Variants in TMEM163 observed in about 807,000 individuals in gnomAD.
The protein encoded by TMEM163 is transmembrane protein 163.
A neutral mutation model predicts 29.3 loss-of-function variants in TMEM163; 17 were observed. That is an observed-to-expected ratio of 0.58 (90% confidence interval 0.40 to 0.87). The LOEUF is 0.87. TMEM163 is among the 40% of genes least tolerant of loss of function. The pLI is 0.00. For synonymous variants in TMEM163, 157 were observed against 160.6 expected (o/e 0.98, Z 0.17); for missense variants, 303 against 381.5 (o/e 0.79, Z 1.71).
chr2:134,704,399 TC>T (rs1684762838), intron 2 of TMEM163, among the ~76,000 whole-genome samples: 1 of 152,094 alleles, frequency 6.6e-6, no homozygotes, highest in Non-Finnish European at 1.5e-5. Context: ...GTTGTACATG[TC>T]CCTGCGGCAG....
chr2:134,549,411 A>G (rs890782401), intron 4 of TMEM163, among the ~76,000 whole-genome samples: 2 of 152,198 alleles, frequency 1.3e-5, no homozygotes, highest in African/African-American at 4.8e-5. Flanking sequence ...GCAGTGGCAC[A>G]ATCTCGGCTC....
At chr2:134,658,540 G>A (rs181355888) in intron 2 of TMEM163, among the ~76,000 whole-genome samples, 29 of 152,048 alleles carry the variant, frequency 1.9e-4, no homozygotes, top group Admixed American at 3.9e-4. Context: ...GAGAAAAAGC[G>A]GAATGCATAT....
chr2:134,577,672 C>T (rs527687250), intron 2 of TMEM163, among the ~76,000 whole-genome samples: 11 of 152,134 alleles, frequency 7.2e-5, no homozygotes, highest in Non-Finnish European at 1.5e-4. Context: ...TTCAGACACA[C>T]CTATCTCAGC....
At chr2:134,649,406 A>T (rs975261620) in intron 2 of TMEM163, among the ~76,000 whole-genome samples, 1 of 152,218 alleles carries the variant, frequency 6.6e-6, no homozygotes, top group Non-Finnish European at 1.5e-5. Flanking sequence ...AATGCATTGG[A>T]AATGTTTATA....
At chr2:134,657,664 GTGGTGGCGCA>G (rs1169589688) in intron 2 of TMEM163, among the ~76,000 whole-genome samples, 1 of 151,954 alleles carries the variant, frequency 6.6e-6, no homozygotes, top group African/African-American at 2.4e-5. Flanking sequence ...TTAGTTGGGC[GTGGTGGCGCA>G]TGCCTGTAAT....
chr2:134,541,395 A>AC (rs774525179), intron 4 of TMEM163, among the ~76,000 whole-genome samples: 1 of 152,228 alleles, frequency 6.6e-6, no homozygotes, highest in Non-Finnish European at 1.5e-5. Context: ...AATTAGTATG[A>AC]CCTTTTTGGA....
chr2:134,573,956 CCAGACAGCCAT>C, intron 2 of TMEM163, among the ~76,000 whole-genome samples: 1 of 152,160 alleles, frequency 6.6e-6, no homozygotes, highest in East Asian at 1.9e-4. Flanking sequence ...CACAGCTTGC[CCAGACAGCCAT>C]CAGCTATTAT....
At chr2:134,512,679 C>T (rs558077525) in intron 4 of TMEM163, among the ~76,000 whole-genome samples, 6 of 152,246 alleles carry the variant, frequency 3.9e-5, no homozygotes, top group African/African-American at 7.2e-5. Context: ...CAGCTTCAGG[C>T]GCTGAGATGG....
chr2:134,616,390 T>C (rs1574283449), intron 2 of TMEM163, among the ~76,000 whole-genome samples: 1 of 152,192 alleles, frequency 6.6e-6, no homozygotes, highest in Admixed American at 6.5e-5. Flanking sequence ...GCATCCACTT[T>C]TGAGTACTGA....
At chr2:134,675,199 T>G (rs187510123) in intron 2 of TMEM163, among the ~76,000 whole-genome samples, 19 of 152,342 alleles carry the variant, frequency 1.2e-4, no homozygotes, top group Non-Finnish European at 2.4e-4. Flanking sequence ...CAGGAAAGTT[T>G]CCTGTTAAAA....
chr2:134,559,676 A>G lies in TMEM163; in HGVS notation c.323-7585T>C, dbSNP rs548885392. Among the ~76,000 whole-genome samples, 25 of 152,240 alleles carry G rather than the reference A, an allele frequency of 1.6e-4. No individual in the cohort carries two copies. In the South Asian group the frequency reaches 3.3e-3, roughly 20 times the overall value. ...CATGACGAATGGGTGGCTACATACA[A>G]AAAGGGACTATACAACCCCGCCCCT... On this transcript the variant is annotated intron_variant, in intron 2 of 7. Transcript: ENST00000281924.
At chr2:134,674,488 C>A (rs185563352) in intron 2 of TMEM163, among the ~76,000 whole-genome samples, 3 of 59,090 alleles carry the variant, frequency 5.1e-5, no homozygotes, top group Admixed American at 1.4e-4. Flanking sequence ...GGACTACAGG[C>A]GCGCGCGCGC....
intron 2 of TMEM163, among the ~76,000 whole-genome samples, chr2:134,656,505 C>G (rs1292110190): frequency 1.3e-5 from 2 of 152,208 alleles, no homozygotes; most frequent in Non-Finnish European, 2.9e-5. Context: ...AATCACCCGT[C>G]TTCTGCGTCG....
chr2:134,665,952 A>G (rs1044901062), intron 2 of TMEM163, among the ~76,000 whole-genome samples: 2 of 152,238 alleles, frequency 1.3e-5, no homozygotes, highest in African/African-American at 4.8e-5. Flanking sequence ...AGCTGAATGC[A>G]TATGCCCCAC....
intron 2 of TMEM163, among the ~76,000 whole-genome samples, chr2:134,606,900 G>A (rs563419240): frequency 5.3e-5 from 8 of 152,342 alleles, no homozygotes; most frequent in South Asian, 2.1e-4. Flanking sequence ...CGGGTGTGGC[G>A]CAGCAATGAG....
intron 2 of TMEM163, among the ~76,000 whole-genome samples, chr2:134,693,196 T>C (rs1684506678): frequency 6.6e-6 from 1 of 152,184 alleles, no homozygotes. Context: ...CTCTCCCTCT[T>C]CATCCAGAAA....
At chr2:134,516,912 T>C (rs1210924255) in intron 4 of TMEM163, among the ~76,000 whole-genome samples, 1 of 151,790 alleles carries the variant, frequency 6.6e-6, no homozygotes, top group Non-Finnish European at 1.5e-5. Context: ...GCACCCCAAA[T>C]TAGAGAACAG....
At chr2:134,533,908 C>T (rs1432113309) in intron 4 of TMEM163, among the ~76,000 whole-genome samples, 1 of 152,286 alleles carries the variant, frequency 6.6e-6, no homozygotes. Flanking sequence ...TCTCAAGTCT[C>T]CTTTGTTGAA....
At chr2:134,474,159 C>A (rs1296717658) in intron 5 of TMEM163, among the ~76,000 whole-genome samples, 1 of 152,170 alleles carries the variant, frequency 6.6e-6, no homozygotes, top group Non-Finnish European at 1.5e-5. Context: ...GATAATACAA[C>A]ATGACCAAAC....
Sources: gnomAD v4.1 joint callset for allele counts (sites outside exome capture counted in the v4.1 genomes callset) on GRCh38, gnomAD v4.1.1 for gene constraint, MANE v1.5 for transcripts, NCBI Gene and HGNC (gene_info 2026-07-23, HGNC 2026-07-21) for gene names.